Variants in GABRA2 observed in about 807,000 individuals in gnomAD.
GABRA2 encodes gamma-aminobutyric acid receptor subunit alpha-2.
Under a neutral mutation model 48.7 loss-of-function variants are expected in GABRA2, and 16 were observed. That is an observed-to-expected ratio of 0.33 (90% confidence interval 0.22 to 0.50). The LOEUF (loss-of-function observed/expected upper bound fraction) is 0.50, where lower values mean the gene tolerates loss of function less well. GABRA2 is among the 20% of genes least tolerant of loss of function. The pLI is 0.98. For synonymous variants in GABRA2, 185 were observed against 184.5 expected (o/e 1.00, Z -0.02); for missense variants, 275 against 535.6 (o/e 0.51, Z 4.80).
intron 3 of GABRA2, among the ~76,000 whole-genome samples, chr4:46,378,367 C>A (rs936323922): frequency 7.2e-5 from 11 of 152,000 alleles, no homozygotes; most frequent in African/African-American, 1.7e-4. Context: ...ACCCCCAACC[C>A]TGTGCTATCT....
intron 8 of GABRA2, among the ~76,000 whole-genome samples, chr4:46,292,498 T>C (rs1208557624): frequency 6.6e-6 from 1 of 152,180 alleles, no homozygotes; most frequent in Admixed American, 6.5e-5. Context: ...ACACTGAGCT[T>C]GTAAACTCTG....
chr4:46,374,167 C>T (rs28662773), intron 3 of GABRA2, among the ~76,000 whole-genome samples: 38,211 of 151,920 alleles, frequency 0.25, 5,154 homozygotes, highest in African/African-American at 0.32. Context: ...ATGCATGTAA[C>T]TGAAAAAATT....
At chr4:46,262,300 A>G (rs1420760153) in intron 8 of GABRA2, among the ~76,000 whole-genome samples, 172 bp from the exon 9 acceptor site, 2 of 152,128 alleles carry the variant, frequency 1.3e-5, no homozygotes, top group African/African-American at 2.4e-5. Flanking sequence ...AAAGTTAATT[A>G]TCTTAAATGG....
chr4:46,372,163 G>A (rs1444319457), intron 3 of GABRA2, among the ~76,000 whole-genome samples: 2 of 152,164 alleles, frequency 1.3e-5, no homozygotes, highest in East Asian at 1.9e-4. Flanking sequence ...AGATGTGACA[G>A]ACATTGCCAG....
chr4:46,289,620 A>C (rs1723201200), intron 8 of GABRA2, among the ~76,000 whole-genome samples: 1 of 152,170 alleles, frequency 6.6e-6, no homozygotes, highest in African/African-American at 2.4e-5. Flanking sequence ...ATGCCTGGGT[A>C]ATGAAATAAT....
At chr4:46,382,983 C>T (rs1716966097) in intron 3 of GABRA2, among the ~76,000 whole-genome samples, 1 of 152,110 alleles carries the variant, frequency 6.6e-6, no homozygotes, top group Admixed American at 6.5e-5. Flanking sequence ...TTATTCATTT[C>T]TGGGAAATAA....
intron 3 of GABRA2, among the ~76,000 whole-genome samples, chr4:46,355,223 T>C (rs1363838765): frequency 6.6e-6 from 1 of 152,168 alleles, no homozygotes; most frequent in Non-Finnish European, 1.5e-5. Flanking sequence ...ACCTGAATAG[T>C]CCTTATAATT....
At chr4:46,375,552 C>T (rs886314869) in intron 3 of GABRA2, among the ~76,000 whole-genome samples, 1 of 152,068 alleles carries the variant, frequency 6.6e-6, no homozygotes, top group Non-Finnish European at 1.5e-5. Flanking sequence ...ACTTAAACAC[C>T]CTCGACATCC....
intron 3 of GABRA2, among the ~76,000 whole-genome samples, chr4:46,343,732 T>C (rs534345068): frequency 6.6e-6 from 1 of 152,110 alleles, no homozygotes; most frequent in South Asian, 2.1e-4. Context: ...TACCTTATGG[T>C]CTTGTTATAA....
intron 8 of GABRA2, among the ~76,000 whole-genome samples, chr4:46,283,953 G>A (rs1302357199): frequency 6.6e-6 from 1 of 151,734 alleles, no homozygotes; most frequent in African/African-American, 2.4e-5. Context: ...TAGAGAAGGG[G>A]TTTCACCGTG....
intron 3 of GABRA2, among the ~76,000 whole-genome samples, chr4:46,381,978 A>G (rs1211480822): frequency 2.0e-5 from 3 of 152,172 alleles, no homozygotes; most frequent in Non-Finnish European, 4.4e-5. Context: ...ATCAACTAAT[A>G]AAATGGAAAG....
rs145825639 is a variant in GABRA2, at chr4:46,334,364, C to A, written c.188-1682G>T. 5.6e-4 allele frequency among the ~76,000 whole-genome samples: 85 copies of A among 152,246 alleles called. 1 individual carries two copies. The East Asian group carries it at 0.012, about 21-fold the overall frequency. On this transcript the variant is annotated intron_variant, in intron 3 of 9. Transcript: ENST00000381620. The stretch of plus-strand genomic sequence containing the variant: ...AAGCAAGTGTGGAAATGAGACCCGA[C>A]ATTTTTTTCCTTTTACCCACACCAA...
chr4:46,369,556 AAC>A (rs1384976039), intron 3 of GABRA2, among the ~76,000 whole-genome samples: 1 of 152,084 alleles, frequency 6.6e-6, no homozygotes, highest in Non-Finnish European at 1.5e-5. Flanking sequence ...GCTGAAAAAA[AAC>A]AGTTTTAGGT....
chr4:46,269,612 T>TA lies in GABRA2; in HGVS notation c.857-7485dup, dbSNP rs59854166. 2.0e-3 allele frequency among the ~76,000 whole-genome samples: 311 copies of TA among 151,788 alleles called. 1 individual carries two copies. Among genetic ancestry groups the TA allele is most frequent in the African/African-American group, 6.6e-3 (274 of 41,484 alleles). The stretch of plus-strand genomic sequence containing the variant: ...TATAAATGTAACTGTATAAACGTAG[T>TA]AAAAAAAATCAGAAAAGAAACACCT... On this transcript the variant is annotated intron_variant, in intron 8 of 9. Transcript: ENST00000381620.
intron 8 of GABRA2, among the ~76,000 whole-genome samples, chr4:46,274,672 G>A (rs996299810): frequency 1.3e-5 from 2 of 152,034 alleles, no homozygotes. Context: ...CTTAAATACA[G>A]AGTTGCCCAC....
chr4:46,330,404 G>A (rs1432385626), intron 4 of GABRA2, among the ~76,000 whole-genome samples: 2 of 151,834 alleles, frequency 1.3e-5, no homozygotes, highest in African/African-American at 4.8e-5. Flanking sequence ...GTCACAACAA[G>A]GAGAGGTAGA....
rs200604169 is a variant in GABRA2 at position 46,250,483 on chromosome 4, G to A, written c.1181C>T (p.Pro394Leu). 3 of 1,612,076 alleles carry A rather than the reference G, an allele frequency of 1.9e-6. No individual in the cohort carries two copies. Among genetic ancestry groups the A allele is most frequent in the Non-Finnish European group, 2.5e-6 (3 of 1,178,678 alleles). The change falls in exon 10 of 10, where the codon CCA (proline) becomes CTA (leucine). Residue 394 changes from proline to leucine, a missense_variant. By Grantham distance (98) the Pro-to-Leu change is moderately conservative. Around this residue, in one of 4 missense-constraint regions of GABRA2, gnomAD observed 99 missense variants for 124.3 expected, o/e 0.80. Coordinates refer to ENST00000381620, the MANE Select transcript of GABRA2 (RefSeq NM_000807.4). Reference protein sequence around the residue: ...LSTISKSATTPEPNKKPENKP... With the variant: ...LSTISKSATTLEPNKKPENKP... ...GTTTTCTGGCTTCTTGTTGGGTTCT[G>A]GCGTGGTTGCACTCTTGGAGATGGT...
At chr4:46,320,469 A>G (rs1040493744) in intron 4 of GABRA2, among the ~76,000 whole-genome samples, 3 of 151,962 alleles carry the variant, frequency 2.0e-5, no homozygotes, top group Admixed American at 2.0e-4. Context: ...TGTACAGCAA[A>G]GGAAACAATC....
intron 8 of GABRA2, among the ~76,000 whole-genome samples, chr4:46,297,200 G>A (rs1724885247): frequency 6.6e-6 from 1 of 151,950 alleles, no homozygotes; most frequent in Admixed American, 6.6e-5. Context: ...TCAGTGGACT[G>A]GGAGAGTCAG....
Sources: gnomAD v4.1 joint callset for allele counts (sites outside exome capture counted in the v4.1 genomes callset) on GRCh38, gnomAD v4.1.1 for gene constraint, gnomAD v4.1.1 regional missense constraint, MANE v1.5 for transcripts, NCBI Gene and HGNC (gene_info 2026-07-23, HGNC 2026-07-21) for gene names.